The following SMAP1 variants were observed in gnomAD, a reference collection of about 807,000 sequenced individuals.
SMAP1 encodes small ArfGAP 1, also known as stromal membrane-associated protein 1.
SMAP1 carries 24 observed loss-of-function variants against 58.5 expected under a neutral mutation model. That is an observed-to-expected ratio of 0.41 (90% CI 0.30 to 0.58). The LOEUF is 0.58. SMAP1 is among the 20% of genes least tolerant of loss of function. The pLI is 0.29. For missense variants in SMAP1, 563 were observed against 566.3 expected, an observed-to-expected ratio of 0.99 and a Z score of 0.06; for synonymous variants, 216 against 196.6, an observed-to-expected ratio of 1.10 and a Z score of -0.82.
At chr6:70,694,101 TG>T in intron 1 of SMAP1, 1 of 281,804 alleles carries the variant, frequency 3.5e-6, no homozygotes, top group Non-Finnish European at 6.9e-6. Context: ...TGTAATCCTT[TG>T]GAAAGTTACT....
chr6:70,859,917 AAGTT>A (rs1049672572), intron 10 of SMAP1: 20 of 272,658 alleles, frequency 7.3e-5, no homozygotes, highest in Admixed American at 1.5e-4. Context: ...GTGTAGGTGA[AAGTT>A]AGTTAGAGTA....
chr6:70,691,870 A>C (rs528105983), intron 1 of SMAP1, among the ~76,000 whole-genome samples: 15 of 152,326 alleles, frequency 9.8e-5, no homozygotes, highest in Admixed American at 2.6e-4. Context: ...GTTGATGGAC[A>C]CTTAGGTAGC....
At chr6:70,687,476 T>C (rs1383833702) in intron 1 of SMAP1, among the ~76,000 whole-genome samples, 1 of 152,168 alleles carries the variant, frequency 6.6e-6, no homozygotes, top group Non-Finnish European at 1.5e-5. Flanking sequence ...TGAGTATTTC[T>C]AGTATTTTGC....
chr6:70,682,088 G>C (rs1766734041), intron 1 of SMAP1, among the ~76,000 whole-genome samples: 2 of 151,870 alleles, frequency 1.3e-5, no homozygotes, highest in Admixed American at 6.6e-5. Context: ...GAAATGTGAG[G>C]GGACAATTAG....
chr6:70,759,183 G>A (rs547341132), intron 3 of SMAP1, among the ~76,000 whole-genome samples: 43 of 152,180 alleles, frequency 2.8e-4, no homozygotes, highest in Non-Finnish European at 4.0e-4. Flanking sequence ...AATAAAGCAT[G>A]GTAGAAGGAA....
At chr6:70,790,759 A>G (rs1475592076) in intron 4 of SMAP1, among the ~76,000 whole-genome samples, 1 of 152,174 alleles carries the variant, frequency 6.6e-6, no homozygotes, top group African/African-American at 2.4e-5. Flanking sequence ...ACATTACATA[A>G]TGACCTATCT....
At chr6:70,777,749 A>G (rs930438197) in intron 4 of SMAP1, among the ~76,000 whole-genome samples, 2 of 149,862 alleles carry the variant, frequency 1.3e-5, no homozygotes, top group African/African-American at 2.4e-5. Context: ...TTAAGTCTTC[A>G]TTATTAAGTT....
chr6:70,820,619 T>G (rs997562566), intron 6 of SMAP1, among the ~76,000 whole-genome samples: 1 of 151,882 alleles, frequency 6.6e-6, no homozygotes, highest in Non-Finnish European at 1.5e-5. Flanking sequence ...AGCAGGGGAA[T>G]TGCTGGAACC....
chr6:70,812,978 C>T (rs1045477708), intron 6 of SMAP1, among the ~76,000 whole-genome samples: 2 of 151,616 alleles, frequency 1.3e-5, no homozygotes. Context: ...TAGCAGTTTT[C>T]CCTTATTATA....
intron 4 of SMAP1, 41 bp downstream of exon 4, chr6:70,773,466 A>G (rs1767416760): frequency 1.6e-6 from 2 of 1,229,932 alleles, no homozygotes; most frequent in African/African-American, 1.5e-5. Flanking sequence ...TTTGTTGACT[A>G]GATTTCAAAC....
At chr6:70,734,003 AT>A (rs11303101) in intron 2 of SMAP1, among the ~76,000 whole-genome samples, 71,330 of 149,692 alleles carry the variant, frequency 0.48, 17,016 homozygotes, top group Non-Finnish European at 0.5. Flanking sequence ...AATATATTGG[AT>A]TTTTTTTTTT....
chr6:70,806,087 T>G (rs1026962992), intron 6 of SMAP1, among the ~76,000 whole-genome samples: 5 of 152,160 alleles, frequency 3.3e-5, no homozygotes, highest in Non-Finnish European at 7.4e-5. Context: ...TCTGCTGCCT[T>G]TTGTTTAGCT....
chr6:70,798,804 G>T, intron 6 of SMAP1, 67 bp downstream of exon 6: 3 of 1,186,436 alleles, frequency 2.5e-6, no homozygotes, highest in South Asian at 3.3e-5. Context: ...ATATATTAAT[G>T]ACTTTCTGGA....
chr6:70,745,449 G>A (rs1195970364), intron 2 of SMAP1, among the ~76,000 whole-genome samples: 3 of 152,110 alleles, frequency 2.0e-5, no homozygotes, highest in African/African-American at 2.4e-5. Flanking sequence ...CCCATTTCTT[G>A]TTTTTGTCAG....
intron 1 of SMAP1, among the ~76,000 whole-genome samples, chr6:70,687,529 A>AT (rs1045898959): frequency 4.6e-5 from 7 of 151,962 alleles, no homozygotes; most frequent in South Asian, 4.2e-4. Flanking sequence ...AATAATGGTC[A>AT]TTTTTTTGCC....
Position 70,766,598 on chromosome 6 carries a change from T to A in SMAP1, c.339-6752T>A, listed in dbSNP as rs148908376. Reference sequence around the variant, plus strand: ...GCCCACTTTTTGATGGGGTGGTTTGTTTTTTTCTTGTAAATTTGTTTGAGT... The same window carrying A: ...GCCCACTTTTTGATGGGGTGGTTTGATTTTTTCTTGTAAATTTGTTTGAGT... On this transcript the variant is annotated intron_variant, in intron 3 of 10. Transcript: ENST00000370455. Among the ~76,000 whole-genome samples the A allele has an allele frequency of 9.9e-3, 1,508 of 152,286 alleles. 15 individuals carry two copies. Among genetic ancestry groups the A allele is most frequent in the African/African-American group, 0.034 (1,401 of 41,544 alleles).
At chr6:70,672,155 A>G (rs1395997978) in intron 1 of SMAP1, among the ~76,000 whole-genome samples, 5 of 152,226 alleles carry the variant, frequency 3.3e-5, no homozygotes, top group African/African-American at 1.2e-4. Context: ...GAGTTTGTTT[A>G]GTGTGGGTTG....
At chr6:70,739,367 A>C (rs1312396079) in intron 2 of SMAP1, among the ~76,000 whole-genome samples, 1 of 152,158 alleles carries the variant, frequency 6.6e-6, no homozygotes, top group African/African-American at 2.4e-5. Flanking sequence ...TTTTTAAATG[A>C]GGCTAATAGA....
intron 7 of SMAP1, among the ~76,000 whole-genome samples, chr6:70,847,892 AGTGT>A (rs373993407): frequency 5.9e-5 from 9 of 151,486 alleles, no homozygotes; most frequent in Non-Finnish European, 1.2e-4. Flanking sequence ...TGAAAGAGGA[AGTGT>A]GTGTGTGTGT....
Sources: gnomAD v4.1 joint callset for allele counts (sites outside exome capture counted in the v4.1 genomes callset) on GRCh38, gnomAD v4.1.1 for gene constraint, MANE v1.5 for transcripts, NCBI Gene and HGNC (gene_info 2026-07-23, HGNC 2026-07-21) for gene names.